The following VCPIP1 variants were observed in gnomAD, a reference collection of about 807,000 sequenced individuals.
VCPIP1 encodes the protein deubiquitinating protein VCPIP1.
VCPIP1 carries 8 observed loss-of-function variants against 85.0 expected under a neutral mutation model. The observed-to-expected ratio is 0.09, with a 90% CI of 0.06 to 0.17. VCPIP1 has a LOEUF of 0.17. VCPIP1 is among the 10% of genes least tolerant of loss of function. The pLI, the probability that VCPIP1 is intolerant of heterozygous loss-of-function variation, is 1.00. For synonymous variants in VCPIP1, 543 were observed against 544.5 expected, an observed-to-expected ratio of 1.00 and a Z score of 0.04; for missense variants, 1,070 against 1,486.3, an observed-to-expected ratio of 0.72 and a Z score of 4.61.
rs1193903752 is a variant in VCPIP1, at chr8:66,630,990, T to C, written c.*3511A>G. 6.6e-6 allele frequency: 1 copy of C among 152,268 alleles called. No homozygotes were observed. The highest frequency in any genetic ancestry group is 2.4e-5 in the African/African-American group (1 of 41,442). The allele number at this position is 152,268 out of a possible 1,614,324, so 9.4% of individuals were successfully genotyped here. On this transcript the variant is annotated 3_prime_UTR_variant, in exon 3 of 3. Transcript: ENST00000310421. ...AAGGTTGTACAATTTTGTTAAATTATATGATAACCTTGAATGGTAGGATGC... is the reference window on the plus strand; with the variant it reads ...AAGGTTGTACAATTTTGTTAAATTACATGATAACCTTGAATGGTAGGATGC...
At position 66,634,537 on chromosome 8, in the gene VCPIP1, C is replaced by T. The variant is rs1810864611; in HGVS notation, c.3633G>A (p.Glu1211=). ...ELEEMDSQDA[E]MTNTTEPMDH... The stretch of plus-strand genomic sequence containing the variant: ...CCATTGGCTCAGTTGTGTTAGTCAT[C>T]TCAGCATCTTGACTATCCATCTCTT... Residue 1211 remains glutamate, a synonymous_variant, in exon 3 of 3, where the codon GAG becomes GAA. Coordinates refer to ENST00000310421, the MANE Select transcript of VCPIP1 (RefSeq NM_025054.5). The T allele has an allele frequency of 1.2e-6, 2 of 1,611,288 alleles. No individual in the cohort carries two copies. The highest frequency in any genetic ancestry group is 1.3e-5 in the African/African-American group (1 of 74,842).
chr8:66,648,014 T>C (rs2130163180), intron 2 of VCPIP1, among the ~76,000 whole-genome samples: 1 of 152,216 alleles, frequency 6.6e-6, no homozygotes, highest in Non-Finnish European at 1.5e-5. Context: ...TGTTGCCCAG[T>C]CTGGTCTTGA....
Position 66,632,541 on chromosome 8 carries a change from G to A in VCPIP1, c.*1960C>T, listed in dbSNP as rs543829588. The A allele has an allele frequency of 3.0e-4, 46 of 152,176 alleles. No individual in the cohort carries two copies. The highest frequency in any genetic ancestry group is 1.1e-3 in the African/African-American group (46 of 41,582). The allele number at this position is 152,176 out of a possible 1,614,324, so 9.4% of individuals were successfully genotyped here. A position where few individuals can be genotyped will look rare whatever the true frequency, so the allele number is the denominator to read the frequency against. Reference sequence around the variant, plus strand: ...ATGTAAGAATAGGGAGATAAAGTTTGTTTCTGGTATTTTATGTTAATGCTA... The same window carrying A: ...ATGTAAGAATAGGGAGATAAAGTTTATTTCTGGTATTTTATGTTAATGCTA... On this transcript the variant is annotated 3_prime_UTR_variant, in exon 3 of 3. Transcript: ENST00000310421.
intron 1 of VCPIP1, among the ~76,000 whole-genome samples, chr8:66,655,661 CTCT>C (rs1246367083): frequency 1.3e-5 from 2 of 151,956 alleles, no homozygotes; most frequent in Non-Finnish European, 2.9e-5. Context: ...ATCTTGTTTT[CTCT>C]TCAAGAATCT....
At chr8:66,646,525 G>A (rs1810997057) in intron 2 of VCPIP1, among the ~76,000 whole-genome samples, 1 of 152,174 alleles carries the variant, frequency 6.6e-6, no homozygotes, top group South Asian at 2.1e-4. Context: ...GCCAGGCGCG[G>A]TGGTTCACGC....
chr8:66,666,118 C>CA lies in VCPIP1; in HGVS notation c.840dup (p.Glu281Ter). ...TTCCTCAGGCCCAAGGGAACACCCT[C>CA]AGGTGGTACAAACAGAGGGTCACAC... On this transcript the variant is annotated frameshift_variant, in exon 1 of 3. Transcript: ENST00000310421. LOFTEE classifies it high-confidence loss of function. This position sits in a 1 kb window ranked among gnomAD's most constrained non-coding sequence, Gnocchi z 6.3. The CA allele has an allele frequency of 6.2e-7, 1 of 1,614,224 alleles. No individual in the cohort carries two copies. The highest frequency in any genetic ancestry group is 8.5e-7 in the Non-Finnish European group (1 of 1,180,044).
chr8:66,636,374 A>G (rs892453436), intron 2 of VCPIP1, among the ~76,000 whole-genome samples: 1 of 152,054 alleles, frequency 6.6e-6, no homozygotes, highest in African/African-American at 2.4e-5. Context: ...AAACAATGGA[A>G]AAAAATCTAA....
At position 66,635,184 on chromosome 8, in the gene VCPIP1, C is replaced by G; in HGVS notation, c.2986G>C (p.Glu996Gln). 5 of 1,614,194 alleles carry G rather than the reference C, an allele frequency of 3.1e-6. No homozygotes were observed. The highest frequency in any genetic ancestry group is 4.2e-6 in the Non-Finnish European group (5 of 1,180,038). Residue 996 changes from glutamate to glutamine, a missense_variant, in exon 3 of 3, where the codon GAA becomes CAA. Coordinates refer to ENST00000310421, the MANE Select transcript of VCPIP1 (RefSeq NM_025054.5). ...AATAGCCCATGTGAGGGACTTGATT[C>G]CCTACTTCTTGTAGTAGCCTCTGCT... ...VRAEATTRSRESSPSHGLLKL... is the reference protein window; with the variant it reads ...VRAEATTRSRQSSPSHGLLKL...
chr8:66,652,172 CAA>C (rs924193054), intron 1 of VCPIP1, among the ~76,000 whole-genome samples: 3 of 152,036 alleles, frequency 2.0e-5, no homozygotes, highest in Non-Finnish European at 4.4e-5. Flanking sequence ...CCCTGCGTGA[CAA>C]AGTGAGATCC....
intron 2 of VCPIP1, among the ~76,000 whole-genome samples, chr8:66,648,912 C>T (rs913430022): frequency 6.6e-6 from 1 of 152,008 alleles, no homozygotes; most frequent in Non-Finnish European, 1.5e-5. Context: ...TGTAATCGCA[C>T]ACTTTGGGAG....
At chr8:66,654,321 C>T (rs772489310) in intron 1 of VCPIP1, among the ~76,000 whole-genome samples, 9 of 152,202 alleles carry the variant, frequency 5.9e-5, no homozygotes, top group Non-Finnish European at 1.2e-4. Context: ...ACTAAAAATA[C>T]AAAAATTAGC....
At chr8:66,636,897 T>C (rs1810892794) in intron 2 of VCPIP1, among the ~76,000 whole-genome samples, 1 of 152,022 alleles carries the variant, frequency 6.6e-6, no homozygotes, top group African/African-American at 2.4e-5. Context: ...GCCTGATATA[T>C]ACAGTAAAAT....
Position 66,667,212 on chromosome 8 carries a change from G to GCT in VCPIP1, c.-256_-255dup. 1.5e-6 allele frequency: 1 copy of GCT among 661,002 alleles called. No homozygotes were observed. Among genetic ancestry groups the GCT allele is most frequent in the South Asian group, 3.1e-5 (1 of 32,324 alleles). 40.9% of individuals were successfully genotyped at this position (661,002 alleles called of 1,614,324 possible). The stretch of plus-strand genomic sequence containing the variant: ...CCCGCACTCACACTCACTCACTCTC[G>GCT]CTCTCTCTCCCTCAGACACAGACAT... On this transcript the variant is annotated 5_prime_UTR_variant, in exon 1 of 3. Coordinates refer to ENST00000310421, the MANE Select transcript of VCPIP1 (RefSeq NM_025054.5).
At chr8:66,654,634 T>A (rs1031922823) in intron 1 of VCPIP1, among the ~76,000 whole-genome samples, 5 of 152,204 alleles carry the variant, frequency 3.3e-5, no homozygotes, top group Non-Finnish European at 5.9e-5. Context: ...GGTACCAAAA[T>A]GAGGAAAAGG....
At position 66,666,311 on chromosome 8, in the gene VCPIP1, A is replaced by G. The variant is rs368601752; in HGVS notation, c.648T>C (p.Asp216=). The G allele has an allele frequency of 3.1e-6, 5 of 1,614,178 alleles. No homozygotes were observed. In the Admixed American group the frequency reaches 5.0e-5, roughly 16 times the overall value. Residue 216 remains aspartate, a synonymous_variant, in exon 1 of 3, where the codon GAT becomes GAC. Transcript: ENST00000310421. This position sits in a 1 kb window ranked among gnomAD's most constrained non-coding sequence, Gnocchi z 6.3. The part of the protein sequence containing the change: ...ECLIPVHVDG[D]GHCLVHAVSR... ...ACACAGCATGCACCAAGCAGTGTCC[A>G]TCCCCGTCCACATGCACTGGAATGA...
chr8:66,650,667 C>T (rs1402912890), intron 2 of VCPIP1, among the ~76,000 whole-genome samples: 1 of 151,774 alleles, frequency 6.6e-6, no homozygotes, highest in Non-Finnish European at 1.5e-5. Context: ...AACAACAACA[C>T]AAACATTATC....
chr8:66,661,692 C>T (rs966839838), intron 1 of VCPIP1, among the ~76,000 whole-genome samples: 3 of 150,732 alleles, frequency 2.0e-5, no homozygotes, highest in South Asian at 2.1e-4. Flanking sequence ...GCTGAGATCG[C>T]GCCACTGCAT....
intron 2 of VCPIP1, among the ~76,000 whole-genome samples, chr8:66,645,333 G>A (rs540131377): frequency 2.0e-4 from 31 of 152,118 alleles, no homozygotes; most frequent in African/African-American, 7.0e-4. Context: ...CAGGAGAATC[G>A]CTTGAACTCA....
chr8:66,639,802 G>A (rs1175824473), intron 2 of VCPIP1, among the ~76,000 whole-genome samples: 3 of 152,028 alleles, frequency 2.0e-5, no homozygotes, highest in Admixed American at 6.6e-5. Flanking sequence ...TTTGGAAGAC[G>A]GAGGTAAATG....
Sources: allele counts gnomAD v4.1 joint callset (sites outside exome capture counted in the v4.1 genomes callset), GRCh38; gene constraint gnomAD v4.1.1; non-coding constraint Gnocchi (gnomAD v3.1); transcripts MANE v1.5; gene names NCBI Gene and HGNC (gene_info 2026-07-23, HGNC 2026-07-21).